Variants in CSMD3 observed in about 807,000 individuals in gnomAD.
The protein encoded by CSMD3 is CUB and sushi domain-containing protein 3.
CSMD3 carries 177 observed loss-of-function variants against 435.2 expected under a neutral mutation model. The observed-to-expected ratio is 0.41, with a 90% confidence interval of 0.36 to 0.46. The LOEUF (loss-of-function observed/expected upper bound fraction) is 0.46. Ranked by LOEUF, CSMD3 falls within the 20% of genes least tolerant of loss-of-function variation. The probability of loss-of-function intolerance (pLI) is 0.34; values close to 1 mark genes in which losing one functional copy is unlikely to be tolerated. For missense variants in CSMD3, 4,265 were observed against 4,504.6 expected, an observed-to-expected ratio of 0.95 and a Z score of 1.52; for synonymous variants, 1,656 against 1,520.5, an observed-to-expected ratio of 1.09 and a Z score of -2.07.
intron 3 of CSMD3, among the ~76,000 whole-genome samples, chr8:113,219,162 G>C (rs547907454): frequency 1.3e-5 from 2 of 151,400 alleles, no homozygotes; most frequent in Admixed American, 1.3e-4. Context: ...ATTTCCACTA[G>C]GGTCAGAAAC....
At chr8:113,187,141 T>A (rs1003549475) in intron 3 of CSMD3, among the ~76,000 whole-genome samples, 21 of 150,612 alleles carry the variant, frequency 1.4e-4, no homozygotes, top group African/African-American at 4.4e-4. Context: ...TGCTGGGAGT[T>A]TTTTTTTTTC....
At chr8:113,392,584 G>A (rs2094465567) in intron 1 of CSMD3, among the ~76,000 whole-genome samples, 1 of 152,018 alleles carries the variant, frequency 6.6e-6, no homozygotes, top group Non-Finnish European at 1.5e-5. Flanking sequence ...GAGAAGATTT[G>A]GCTCTGAATT....
intron 3 of CSMD3, among the ~76,000 whole-genome samples, chr8:113,278,173 C>T (rs2093585907): frequency 6.6e-6 from 1 of 151,798 alleles, no homozygotes; most frequent in South Asian, 2.1e-4. Context: ...AAGGCTGTTT[C>T]AGGAGTAGAT....
chr8:113,383,901 C>G (rs1350394310), intron 1 of CSMD3, among the ~76,000 whole-genome samples: 4 of 152,086 alleles, frequency 2.6e-5, no homozygotes, highest in Admixed American at 2.6e-4. Flanking sequence ...CACTTGGTCC[C>G]TCTGATTTCA....
chr8:112,248,877 C>A (rs543981277), intron 63 of CSMD3, among the ~76,000 whole-genome samples: 1 of 152,172 alleles, frequency 6.6e-6, no homozygotes, highest in East Asian at 1.9e-4. Context: ...GATCTCTTAT[C>A]CCTGGATGCC....
intron 4 of CSMD3, among the ~76,000 whole-genome samples, chr8:113,126,260 A>G (rs2091123798): frequency 6.6e-6 from 1 of 151,972 alleles, no homozygotes; most frequent in Non-Finnish European, 1.5e-5. Context: ...ATCTCACACT[A>G]CAAGGCCAGA....
At chr8:113,094,790 G>A (rs530994815) in intron 5 of CSMD3, among the ~76,000 whole-genome samples, 1 of 151,996 alleles carries the variant, frequency 6.6e-6, no homozygotes, top group Non-Finnish European at 1.5e-5. Flanking sequence ...ATCATATGTG[G>A]GCCAGGTGCG....
intron 3 of CSMD3, among the ~76,000 whole-genome samples, chr8:113,274,443 C>T (rs1476970719): frequency 2.0e-5 from 3 of 152,002 alleles, no homozygotes; most frequent in Admixed American, 6.6e-5. Context: ...TACTTGTCCA[C>T]GATGAAGTAT....
intron 63 of CSMD3, among the ~76,000 whole-genome samples, chr8:112,253,294 A>G (rs180908811): frequency 6.6e-6 from 1 of 152,092 alleles, no homozygotes; most frequent in Admixed American, 6.6e-5. Flanking sequence ...AAAGTTCTCT[A>G]AAAACACCAA....
intron 26 of CSMD3, among the ~76,000 whole-genome samples, chr8:112,551,116 A>G (rs1223577104): frequency 6.6e-6 from 1 of 152,126 alleles, no homozygotes; most frequent in Admixed American, 6.6e-5. Flanking sequence ...TCAGGCATAC[A>G]TTCTTTCCCG....
In CSMD3 at chr8:113,178,240, T is replaced by C. The variant is rs544856897; in HGVS notation, c.515-4324A>G. Among the ~76,000 whole-genome samples the C allele has an allele frequency of 1.2e-4, 18 of 152,006 alleles. No individual in the cohort carries two copies. In the East Asian group the frequency reaches 1.7e-3, roughly 15 times the overall value. ...TATGGGTATAATTCTCCCCATTGTGTAGAAAGGAAAACTGAGACTCAGAAA... is the reference window on the plus strand; with the variant it reads ...TATGGGTATAATTCTCCCCATTGTGCAGAAAGGAAAACTGAGACTCAGAAA... On this transcript the variant is annotated intron_variant, in intron 3 of 70. Coordinates refer to ENST00000297405, the MANE Select transcript of CSMD3 (RefSeq NM_198123.2).
intron 3 of CSMD3, among the ~76,000 whole-genome samples, chr8:113,184,548 T>C (rs554612547): frequency 2.6e-5 from 4 of 152,152 alleles, no homozygotes; most frequent in African/African-American, 7.2e-5. Context: ...AGATAAAATA[T>C]ATATTTCACA....
intron 32 of CSMD3, among the ~76,000 whole-genome samples, chr8:112,410,020 A>T (rs1832192956): frequency 6.6e-6 from 1 of 151,964 alleles, no homozygotes; most frequent in South Asian, 2.1e-4. Context: ...GAGTATATAC[A>T]AATATATTTT....
intron 1 of CSMD3, among the ~76,000 whole-genome samples, chr8:113,362,315 G>A (rs2094282695): frequency 1.3e-5 from 2 of 152,096 alleles, no homozygotes; most frequent in South Asian, 4.1e-4. Context: ...ACAGAAGTTG[G>A]CATTGAGTTA....
intron 1 of CSMD3, among the ~76,000 whole-genome samples, chr8:113,365,314 A>G (rs1459682544): frequency 6.6e-6 from 1 of 152,120 alleles, no homozygotes; most frequent in Non-Finnish European, 1.5e-5. Flanking sequence ...GTTACCTTAA[A>G]CATAACTCAT....
chr8:112,285,843 G>A (rs1288536535), intron 58 of CSMD3, among the ~76,000 whole-genome samples: 8 of 151,482 alleles, frequency 5.3e-5, no homozygotes, highest in South Asian at 2.1e-4. Flanking sequence ...CTTAGCATCC[G>A]GAGTCGCTAG....
Position 112,550,664 on chromosome 8 carries a change from A to T in CSMD3, c.4564+7T>A. ...TTGCATTGAAGAAATTTTTTGAAAAAACTTACTTGAAAACTGAATTGCAAA... is the reference window on the plus strand; with the variant it reads ...TTGCATTGAAGAAATTTTTTGAAAATACTTACTTGAAAACTGAATTGCAAA... On this transcript the variant is annotated splice_region_variant and intron_variant, in intron 27 of 70. Coordinates refer to ENST00000297405, the MANE Select transcript of CSMD3 (RefSeq NM_198123.2). The T allele has an allele frequency of 6.4e-7, 1 of 1,554,022 alleles. No homozygotes were observed. The highest frequency in any genetic ancestry group is 8.9e-7 in the Non-Finnish European group (1 of 1,126,410).
intron 38 of CSMD3, among the ~76,000 whole-genome samples, chr8:112,363,353 C>A (rs1275124353): frequency 2.0e-5 from 3 of 151,942 alleles, no homozygotes; most frequent in Non-Finnish European, 4.4e-5. Flanking sequence ...GTATACTTTT[C>A]TTCTTGTCAC....
chr8:112,438,954 C>T lies in CSMD3; in HGVS notation c.5396-29922G>A, dbSNP rs543250718. 2.9e-3 allele frequency among the ~76,000 whole-genome samples: 447 copies of T among 152,188 alleles called. 4 individuals are homozygous for T. The highest frequency in any genetic ancestry group is 0.017 in the South Asian group (81 of 4,814). On this transcript the variant is annotated intron_variant, in intron 32 of 70. Coordinates refer to ENST00000297405, the MANE Select transcript of CSMD3 (RefSeq NM_198123.2). ...AAGGAAGAATGAGAATAGGTTTTAG[C>T]CCTTAGTCATTGTCTTGTACTCTTG...
Sources: allele counts gnomAD v4.1 joint callset (sites outside exome capture counted in the v4.1 genomes callset), GRCh38; gene constraint gnomAD v4.1.1; transcripts MANE v1.5; gene names NCBI Gene and HGNC (gene_info 2026-07-23, HGNC 2026-07-21).